The following ZNF574 variants were observed in gnomAD, a reference collection of about 807,000 sequenced individuals.
ZNF574 encodes zinc finger protein 574.
Under a neutral mutation model 56.6 loss-of-function variants are expected in ZNF574, and 25 were observed. That is an observed-to-expected ratio of 0.44 (90% CI 0.32 to 0.62). The LOEUF (loss-of-function observed/expected upper bound fraction) is 0.62, where lower values mean the gene tolerates loss of function less well. Among genes scored for constraint, ZNF574 ranks in the 20% least tolerant of loss-of-function variants. ZNF574 has a pLI of 0.04. For synonymous variants in ZNF574, 543 were observed against 492.1 expected (o/e 1.10, Z -1.37); for missense variants, 1,065 against 1,218.9 (o/e 0.87, Z 1.88).
chr19:42,074,342 G>C (rs927990508), upstream of ZNF574, among the ~76,000 whole-genome samples: 7 of 138,190 alleles, frequency 5.1e-5, no homozygotes, highest in African/African-American at 1.6e-4. Flanking sequence ...GTAGTCACAG[G>C]TACTCAGGAG....
At chr19:42,075,350 C>G (rs2146209080), upstream of ZNF574, 1 of 152,500 alleles carries the variant, frequency 6.6e-6, no homozygotes, top group South Asian at 2.1e-4. Context: ...CCGCCCGTTA[C>G]CGGCTCACTT....
exon 1 of ZNF574, chr19:42,068,718 A>C: frequency 2.0e-6 from 1 of 493,058 alleles, no homozygotes. Context: ...AGACATGCCG[A>C]GAGCAACCTG....
Position 42,079,900 on chromosome 19 carries a change from A to G in ZNF574, c.1294A>G (p.Ile432Val). 1.9e-6 allele frequency: 3 copies of G among 1,613,994 alleles called. No homozygotes were observed. Among genetic ancestry groups the G allele is most frequent in the African/African-American group, 1.3e-5 (1 of 75,002 alleles). Reference protein sequence around the residue: ...TTPVPPEEPVIGFPEPAPAET... With the variant: ...TTPVPPEEPVVGFPEPAPAET... ...ACCAGTCCCACCAGAGGAACCTGTCATTGGTTTCCCTGAGCCAGCCCCAGC... is the reference window on the plus strand; with the variant it reads ...ACCAGTCCCACCAGAGGAACCTGTCGTTGGTTTCCCTGAGCCAGCCCCAGC... The change falls in exon 2 of 2, where the codon ATT (isoleucine) becomes GTT (valine). Residue 432 changes from isoleucine (I) to valine (V), a missense_variant. Transcript: ENST00000359044. The surrounding 1 kb of genome is among the most constrained non-coding windows in gnomAD (Gnocchi z 4.3).
At chr19:42,075,917 C>T (rs2076451999), upstream of ZNF574, among the ~76,000 whole-genome samples, 1 of 152,230 alleles carries the variant, frequency 6.6e-6, no homozygotes, top group South Asian at 2.1e-4. Context: ...GGAGGAGCAT[C>T]CTCTAAGGAG....
At position 42,080,290 on chromosome 19, in the gene ZNF574, C is replaced by G; in HGVS notation, c.1684C>G (p.Gln562Glu). Residue 562 changes from glutamine (Q) to glutamate (E), a missense_variant, in exon 2 of 2, where the codon CAA becomes GAA. Gln to Glu is a conservative substitution (Grantham distance 29). Coordinates refer to ENST00000359044, the MANE Select transcript of ZNF574 (RefSeq NM_022752.6). The surrounding 1 kb of genome is among the most constrained non-coding windows in gnomAD (Gnocchi z 8.5). ...TGGGGACTGTGGCAAGGCTTTCACG[C>G]AAAGCTCCACACTGAGGCAGCACCG... ...RCGDCGKAFT[Q>E]SSTLRQHRLV... 1 of 1,614,080 alleles carries G rather than the reference C, an allele frequency of 6.2e-7. No homozygotes were observed. The highest frequency in any genetic ancestry group is 8.5e-7 in the Non-Finnish European group (1 of 1,180,010).
chr19:42,074,187 T>G (rs1327891864), upstream of ZNF574, among the ~76,000 whole-genome samples: 1 of 150,412 alleles, frequency 6.6e-6, no homozygotes, highest in East Asian at 2.0e-4. Context: ...CCAGGTGCAG[T>G]GGCTCACGCC....
At position 42,079,742 on chromosome 19, in the gene ZNF574, T is replaced by G. The variant is rs774851241; in HGVS notation, c.1136T>G (p.Leu379Arg). 13 of 1,614,160 alleles carry G rather than the reference T, an allele frequency of 8.1e-6. No individual in the cohort carries two copies. Among genetic ancestry groups the G allele is most frequent in the Non-Finnish European group, 1.1e-5 (13 of 1,180,028 alleles). Residue 379 changes from leucine (L) to arginine (R), a missense_variant, in exon 2 of 2, where the codon CTC (leucine) becomes CGC (arginine). By Grantham distance (102) the Leu-to-Arg change is moderately radical (BLOSUM62 -2). Transcript: ENST00000359044. This position sits in a 1 kb window ranked among gnomAD's most constrained non-coding sequence, Gnocchi z 4.3. ...CGLAFGTEAL[L>R]LAHRRAHTPN... is the part of the protein sequence containing the mutation. ...CTGGCCTTCGGCACAGAGGCCCTCC[T>G]CCTGGCCCACCGGCGAGCCCACACC...
chr19:42,077,211 G>A (rs2076462293), intron 1 of ZNF574, among the ~76,000 whole-genome samples: 3 of 152,088 alleles, frequency 2.0e-5, no homozygotes, highest in East Asian at 3.9e-4. Flanking sequence ...GAGGAAGAGG[G>A]GTCTGTGCTG....
Position 42,079,309 on chromosome 19 carries a change from A to G in ZNF574, c.703A>G (p.Thr235Ala). The G allele has an allele frequency of 1.9e-6, 3 of 1,613,812 alleles. No individual in the cohort carries two copies. The highest frequency in any genetic ancestry group is 2.5e-6 in the Non-Finnish European group (3 of 1,179,946). The stretch of plus-strand genomic sequence containing the variant: ...GGCGGATTTCCTGGAGCACCAGGCC[A>G]CTCACTTCCCTGCTCCTGTACCCGA... Reference protein sequence around the residue: ...LPADFLEHQATHFPAPVPESQ... With the variant: ...LPADFLEHQAAHFPAPVPESQ... Residue 235 changes from threonine to alanine, a missense_variant, in exon 2 of 2, where the codon ACT (threonine) becomes GCT (alanine). Coordinates refer to ENST00000359044, the MANE Select transcript of ZNF574 (RefSeq NM_022752.6). This position sits in a 1 kb window ranked among gnomAD's most constrained non-coding sequence, Gnocchi z 4.3.
rs759252120 is a variant in ZNF574 at position 42,080,561 on chromosome 19, G to A, written c.1955G>A (p.Arg652Gln). ...GAAFPSSLRL[R>Q]EHRCAAAAAQ... ...GCCTTCCCCTCCTCACTGCGGCTCC[G>A]GGAGCACCGCTGTGCAGCCGCTGCT... The change falls in exon 2 of 2, where the codon CGG becomes CAG. Residue 652 changes from arginine (R) to glutamine (Q), a missense_variant. Transcript: ENST00000359044. The surrounding 1 kb of genome is among the most constrained non-coding windows in gnomAD (Gnocchi z 8.5). The A allele has an allele frequency of 2.5e-5, 40 of 1,612,662 alleles. No homozygotes were observed. Among genetic ancestry groups the A allele is most frequent in the South Asian group, 8.8e-5 (8 of 91,046 alleles).
chr19:42,073,088 C>T (rs1269757713), upstream of ZNF574, among the ~76,000 whole-genome samples: 1 of 152,234 alleles, frequency 6.6e-6, no homozygotes, highest in Non-Finnish European at 1.5e-5. Context: ...TGCATTCAAC[C>T]CTTCAACATG....
chr19:42,081,328 T>G lies in ZNF574; in HGVS notation c.*31T>G, dbSNP rs1227558881. ...CCCGACTTCCTCTTTGGCACCTCCA[T>G]TCCCTGTTGCTGAAGGCCCTCCAGC... On this transcript the variant is annotated 3_prime_UTR_variant, in exon 2 of 2. Coordinates refer to ENST00000359044, the MANE Select transcript of ZNF574 (RefSeq NM_022752.6). 19 of 1,613,778 alleles carry G rather than the reference T, an allele frequency of 1.2e-5. 1 individual carries two copies. The highest frequency in any genetic ancestry group is 6.7e-5 in the Admixed American group (4 of 60,002).
chr19:42,069,731 C>A (rs1315131877), intron 1 of ZNF574, among the ~76,000 whole-genome samples: 1 of 126,922 alleles, frequency 7.9e-6, no homozygotes, highest in African/African-American at 2.9e-5. Flanking sequence ...GGAGGGCCTG[C>A]TGGGGGAGGG....
At chr19:42,070,268 G>A (rs1271944121) in intron 1 of ZNF574, 2 of 153,542 alleles carry the variant, frequency 1.3e-5, no homozygotes, top group African/African-American at 4.8e-5. Flanking sequence ...CGGGCAGGAG[G>A]AAGGGAGGGA....
intron 1 of ZNF574, among the ~76,000 whole-genome samples, chr19:42,078,137 G>A (rs747526764): frequency 5.3e-5 from 8 of 152,076 alleles, no homozygotes; most frequent in Non-Finnish European, 8.8e-5. Context: ...GTGTGGCTGG[G>A]AGAAACAGGT....
upstream of ZNF574, chr19:42,075,223 G>A (rs2076447525): frequency 6.6e-6 from 1 of 152,290 alleles, no homozygotes; most frequent in Non-Finnish European, 1.5e-5. Flanking sequence ...TCCCTCCCAA[G>A]GCCCTGAGGG....
intron 1 of ZNF574, 106 bp downstream of exon 1, chr19:42,076,392 C>G (rs1042248573): frequency 2.0e-5 from 3 of 151,702 alleles, no homozygotes; most frequent in Middle Eastern, 3.4e-3. Context: ...GGGTGCGCGC[C>G]GGGCAGTTAG....
chr19:42,071,909 C>A (rs1433199774), upstream of ZNF574, among the ~76,000 whole-genome samples: 1 of 151,822 alleles, frequency 6.6e-6, no homozygotes, highest in Admixed American at 6.6e-5. Flanking sequence ...GAGGCTGAGG[C>A]ACAAGAATTG....
chr19:42,079,162 G>A lies in ZNF574; in HGVS notation c.556G>A (p.Ala186Thr), dbSNP rs1403365057. Residue 186 changes from alanine to threonine, a missense_variant, in exon 2 of 2, where the codon GCA becomes ACA. Coordinates refer to ENST00000359044, the MANE Select transcript of ZNF574 (RefSeq NM_022752.6). The surrounding 1 kb of genome is among the most constrained non-coding windows in gnomAD (Gnocchi z 4.3). ...RVAVEHSYRK[A>T]EEGGEGATVP... ...GGCTGTGGAGCACTCATACCGAAAG[G>A]CAGAAGAGGGTGGGGAAGGGGCGAC... is the stretch of plus-strand genomic sequence containing the variant. The A allele has an allele frequency of 2.5e-6, 4 of 1,613,830 alleles. No individual in the cohort carries two copies. In the African/African-American group the frequency reaches 4.0e-5, roughly 16 times the overall value.
Sources: gnomAD v4.1 joint callset for allele counts (sites outside exome capture counted in the v4.1 genomes callset) on GRCh38, gnomAD v4.1.1 for gene constraint, Gnocchi (gnomAD v3.1) non-coding constraint, MANE v1.5 for transcripts, NCBI Gene and HGNC (gene_info 2026-07-23, HGNC 2026-07-21) for gene names.